The following FBN3 variants were observed in gnomAD, a reference collection of about 807,000 sequenced individuals.
FBN3 encodes fibrillin-3.
FBN3 carries 234 observed loss-of-function variants against 330.1 expected under a neutral mutation model. The ratio of observed to expected loss-of-function variants is 0.71; its 90% CI spans 0.64 to 0.79. The LOEUF is 0.79. Ranked by LOEUF, FBN3 falls within the 30% of genes least tolerant of loss-of-function variation. The pLI is 0.00. For synonymous variants in FBN3, 1,458 were observed against 1,517.3 expected (o/e 0.96, Z 0.91); for missense variants, 3,606 against 3,886.9 (o/e 0.93, Z 1.92).
intron 25 of FBN3, among the ~76,000 whole-genome samples, chr19:8,119,536 TG>T (rs2082788333): frequency 6.6e-6 from 1 of 152,106 alleles, no homozygotes; most frequent in Non-Finnish European, 1.5e-5. Flanking sequence ...GTTTTTGAGA[TG>T]GAGTCTCGCT....
intron 59 of FBN3, among the ~76,000 whole-genome samples, chr19:8,080,343 G>T (rs2081747407): frequency 6.6e-6 from 1 of 152,222 alleles, no homozygotes; most frequent in African/African-American, 2.4e-5. Flanking sequence ...AATGATGGTA[G>T]CAGATGCCCT....
At chr19:8,110,634 G>A (rs755593960) in intron 34 of FBN3, among the ~76,000 whole-genome samples, 2 of 152,186 alleles carry the variant, frequency 1.3e-5, no homozygotes, top group South Asian at 2.1e-4. Context: ...AGCAGCTAGC[G>A]TGGAGGGGCC....
At chr19:8,136,676 A>G in intron 10 of FBN3, 145 bp from the exon 11 acceptor site, 1 of 1,101,506 alleles carries the variant, frequency 9.1e-7, no homozygotes, top group Non-Finnish European at 1.3e-6. Context: ...TCTCATGGAG[A>G]GTCCTGCCTT....
chr19:8,091,234 T>C (rs1314072631), intron 48 of FBN3, among the ~76,000 whole-genome samples: 2 of 152,136 alleles, frequency 1.3e-5, no homozygotes, highest in Non-Finnish European at 1.5e-5. Context: ...AAGGAAAACC[T>C]AAATAAGCAC....
Position 8,138,443 on chromosome 19 carries a change from C to G in FBN3, c.987G>C (p.Pro329=). The change falls in exon 9 of 64, where the codon CCG becomes CCC. Residue 329 remains proline (P), a synonymous_variant. Coordinates refer to ENST00000600128, the MANE Select transcript of FBN3 (RefSeq NM_032447.5). The stretch of plus-strand genomic sequence containing the variant: ...CCCGAGGAGGACACAGCTCAGGGAC[C>G]GGGCCAGCTGCCCAGCACCTGCCCC... ...CDRGRCWAAG[P]VPELCPPRGS... 1 of 1,612,954 alleles carries G rather than the reference C, an allele frequency of 6.2e-7. No homozygotes were observed. The highest frequency in any genetic ancestry group is 8.5e-7 in the Non-Finnish European group (1 of 1,179,688).
intron 38 of FBN3, 51 bp from the exon 39 acceptor site, chr19:8,103,738 G>A (rs530128515): frequency 3.8e-6 from 6 of 1,587,638 alleles, no homozygotes; most frequent in Non-Finnish European, 2.6e-6. Flanking sequence ...TCCAGGAATT[G>A]TCTGAATAAC....
chr19:8,144,778 G>T (rs116775391), intron 6 of FBN3, 99 bp downstream of exon 6: 2 of 910,738 alleles, frequency 2.2e-6, no homozygotes, highest in Non-Finnish European at 3.4e-6. Context: ...GAGGCCAGCT[G>T]GTTCCTTTCA....
chr19:8,138,671 G>T lies in FBN3; in HGVS notation c.866-107C>A, dbSNP rs1374996279. 5.1e-6 allele frequency: 6 copies of T among 1,169,986 alleles called. No homozygotes were observed. In the African/African-American group the frequency reaches 7.7e-5, roughly 15 times the overall value. 72.5% of individuals were successfully genotyped at this position (1,169,986 alleles called of 1,614,324 possible). ...TGCCTGTAGGACGGGTCTGTTTGCC[G>T]CTCTGTGCCTCAGTTTCCTCTCCAT... On this transcript the variant is annotated intron_variant, in intron 8 of 63. Transcript: ENST00000600128.
intron 25 of FBN3, among the ~76,000 whole-genome samples, chr19:8,120,015 C>G (rs2082805501): frequency 6.7e-6 from 1 of 150,112 alleles, no homozygotes; most frequent in Admixed American, 6.7e-5. Flanking sequence ...GAGACGGGGC[C>G]TCTCTATGTT....
At chr19:8,090,995 G>C (rs1315705912) in intron 48 of FBN3, among the ~76,000 whole-genome samples, 1 of 152,074 alleles carries the variant, frequency 6.6e-6, no homozygotes, top group African/African-American at 2.4e-5. Context: ...CAGCAGGCTG[G>C]GGTCCCAGCC....
chr19:8,067,982 T>C (rs1439707209), intron 63 of FBN3, among the ~76,000 whole-genome samples: 8 of 152,048 alleles, frequency 5.3e-5, no homozygotes, highest in African/African-American at 1.4e-4. Flanking sequence ...GAGGATCCCT[T>C]GAGCCTGGGA....
rs757459951 is a variant in FBN3 at position 8,126,850 on chromosome 19, C to G, written c.2297-18G>C. 2 of 1,533,014 alleles carry G rather than the reference C, an allele frequency of 1.3e-6. No homozygotes were observed. The highest frequency in any genetic ancestry group is 4.4e-5 in the Admixed American group (2 of 45,876). 95.0% of individuals were successfully genotyped at this position (1,533,014 alleles called of 1,614,324 possible). A position where few individuals can be genotyped will look rare whatever the true frequency, so the allele number is the denominator to read the frequency against. The stretch of plus-strand genomic sequence containing the variant: ...GTCGACATCTGTGGGGACAGCCCCC[C>G]ACCAGGTCCTGAGCTGCAGGAGGAG... On this transcript the variant is annotated intron_variant, in intron 18 of 63. Coordinates refer to ENST00000600128, the MANE Select transcript of FBN3 (RefSeq NM_032447.5).
At chr19:8,090,487 GTTT>G (rs34225993) in intron 48 of FBN3, among the ~76,000 whole-genome samples, 1 of 141,458 alleles carries the variant, frequency 7.1e-6, no homozygotes, top group Non-Finnish European at 1.5e-5. Context: ...GGTGGTGGTG[GTTT>G]TTTTTTTTTT....
At chr19:8,130,737 G>A (rs1374301560) in intron 16 of FBN3, among the ~76,000 whole-genome samples, 1 of 150,700 alleles carries the variant, frequency 6.6e-6, no homozygotes, top group Admixed American at 6.6e-5. Flanking sequence ...TCATGGTGGT[G>A]AGTGCCTGTA....
intron 37 of FBN3, among the ~76,000 whole-genome samples, chr19:8,107,830 G>A (rs1338383399): frequency 1.3e-5 from 2 of 151,332 alleles, no homozygotes; most frequent in Non-Finnish European, 2.9e-5. Flanking sequence ...ATGGATAGAT[G>A]GATGAATGGC....
At chr19:8,147,572 G>T in intron 1 of FBN3, 75 bp from the exon 2 acceptor site, 2 of 1,312,752 alleles carry the variant, frequency 1.5e-6, no homozygotes, top group Non-Finnish European at 2.0e-6. Context: ...CAACGAGGAG[G>T]GCAGGGTGGT....
chr19:8,114,489 T>C (rs2082663592), intron 30 of FBN3, among the ~76,000 whole-genome samples: 1 of 152,120 alleles, frequency 6.6e-6, no homozygotes, highest in Non-Finnish European at 1.5e-5. Flanking sequence ...CCTCAGGTAA[T>C]CCACCCACCT....
Position 8,109,746 on chromosome 19 carries a change from G to A in FBN3, c.4341C>T (p.Asn1447=), listed in dbSNP as rs767187366. Residue 1447 remains asparagine, a synonymous_variant, in exon 35 of 64, where the codon AAC becomes AAT. Coordinates refer to ENST00000600128, the MANE Select transcript of FBN3 (RefSeq NM_032447.5). The surrounding 1 kb of genome is among the most constrained non-coding windows in gnomAD (Gnocchi z 5.2). ...DRGGGNCTDI[N]ECADPVNCIN... ...TGCAGTTTACTGGGTCTGCACACTC[G>A]TTGATGTCTGTAGGGAGGAAGCGCG... 8 of 1,515,268 alleles carry A rather than the reference G, an allele frequency of 5.3e-6. No individual in the cohort carries two copies. The highest frequency in any genetic ancestry group is 2.8e-5 in the African/African-American group (2 of 71,572). 93.9% of individuals were successfully genotyped at this position (1,515,268 alleles called of 1,614,324 possible).
In FBN3 at chr19:8,103,706, T is replaced by C; in HGVS notation, c.4814-19A>G. ...TCAATATCTGCAGGGAAAGAAGGGG[T>C]GGAGGGGAACAGTGGGCAGCGTCCA... On this transcript the variant is annotated intron_variant, in intron 38 of 63. Coordinates refer to ENST00000600128, the MANE Select transcript of FBN3 (RefSeq NM_032447.5). 6.2e-7 allele frequency: 1 copy of C among 1,609,708 alleles called. No individual in the cohort carries two copies. Among genetic ancestry groups the C allele is most frequent in the Non-Finnish European group, 8.5e-7 (1 of 1,177,598 alleles).
Sources: gnomAD v4.1 joint callset for allele counts (sites outside exome capture counted in the v4.1 genomes callset) on GRCh38, gnomAD v4.1.1 for gene constraint, Gnocchi (gnomAD v3.1) non-coding constraint, MANE v1.5 for transcripts, NCBI Gene and HGNC (gene_info 2026-07-23, HGNC 2026-07-21) for gene names.